The following NRIP1 variants were observed in gnomAD, a reference collection of about 807,000 sequenced individuals.
NRIP1 encodes nuclear receptor interacting protein 1.
Under a neutral mutation model 75.0 loss-of-function variants are expected in NRIP1, and 28 were observed. That is an observed-to-expected ratio of 0.37 (90% CI 0.28 to 0.51). The LOEUF is 0.51. NRIP1 is among the 20% of genes least tolerant of loss of function. The probability of loss-of-function intolerance (pLI) is 0.92; values close to 1 mark genes in which losing one functional copy is unlikely to be tolerated. For missense variants in NRIP1, 1,435 were observed against 1,343.7 expected, an observed-to-expected ratio of 1.07 and a Z score of -1.06; for synonymous variants, 526 against 487.6, an observed-to-expected ratio of 1.08 and a Z score of -1.04.
chr21:14,978,238 T>C (rs1289976331), intron 3 of NRIP1, among the ~76,000 whole-genome samples: 3 of 152,206 alleles, frequency 2.0e-5, no homozygotes, highest in East Asian at 3.8e-4. Context: ...TAAAATTTTA[T>C]TCCTATGATT....
chr21:15,045,648 G>A (rs950498536), intron 1 of NRIP1, among the ~76,000 whole-genome samples: 27 of 152,120 alleles, frequency 1.8e-4, no homozygotes, highest in African/African-American at 6.0e-4. Flanking sequence ...TTGCCACATC[G>A]GCTGATTCTT....
intron 3 of NRIP1, among the ~76,000 whole-genome samples, chr21:14,996,479 C>T (rs1363685076): frequency 2.6e-5 from 4 of 152,184 alleles, no homozygotes; most frequent in African/African-American, 9.7e-5. Flanking sequence ...TTAAATATCA[C>T]CCGCTAAGAT....
intron 1 of NRIP1, among the ~76,000 whole-genome samples, chr21:15,045,553 T>C (rs572960886): frequency 2.6e-5 from 4 of 152,348 alleles, no homozygotes; most frequent in East Asian, 3.9e-4. Context: ...TGCCTCCATA[T>C]TGATGGCTGC....
At chr21:15,039,514 A>AAAAATGAGATGG (rs2088907805) in intron 2 of NRIP1, among the ~76,000 whole-genome samples, 2 of 152,122 alleles carry the variant, frequency 1.3e-5, no homozygotes, top group South Asian at 4.1e-4. Flanking sequence ...TATAGTCTTG[A>AAAAATGAGATGG]TTTATCCCAT....
chr21:15,048,164 C>T (rs1252249431), intron 1 of NRIP1, among the ~76,000 whole-genome samples: 1 of 152,058 alleles, frequency 6.6e-6, no homozygotes, highest in Admixed American at 6.5e-5. Context: ...GATTACAGAT[C>T]ACCATGACAC....
chr21:14,981,055 A>ATGG (rs1451396985), intron 3 of NRIP1, among the ~76,000 whole-genome samples: 2 of 152,210 alleles, frequency 1.3e-5, no homozygotes, highest in Non-Finnish European at 2.9e-5. Context: ...GCACCCAGAC[A>ATGG]TGGTGGTGAT....
At chr21:15,057,649 G>A (rs1217229332) in intron 1 of NRIP1, among the ~76,000 whole-genome samples, 1 of 152,200 alleles carries the variant, frequency 6.6e-6, no homozygotes, top group Admixed American at 6.5e-5. Flanking sequence ...ACGGCTTCCT[G>A]AATGTCAGAT....
chr21:15,046,566 GTTT>G (rs2089081010), intron 1 of NRIP1, among the ~76,000 whole-genome samples: 1 of 152,094 alleles, frequency 6.6e-6, no homozygotes, highest in South Asian at 2.1e-4. Context: ...CCAAACATTG[GTTT>G]CCACTTCAAG....
At chr21:15,063,692 G>A (rs1327534390) in intron 1 of NRIP1, among the ~76,000 whole-genome samples, 1 of 152,162 alleles carries the variant, frequency 6.6e-6, no homozygotes, top group African/African-American at 2.4e-5. Flanking sequence ...TACAATACCA[G>A]AAACAAACTC....
intron 3 of NRIP1, among the ~76,000 whole-genome samples, chr21:14,981,459 T>C (rs1349896870): frequency 2.0e-5 from 3 of 152,188 alleles, no homozygotes; most frequent in African/African-American, 2.4e-5. Flanking sequence ...CAGTGACACA[T>C]GCTCCTTGGC....
At chr21:15,013,034 A>C (rs941547536) in intron 3 of NRIP1, among the ~76,000 whole-genome samples, 1 of 152,194 alleles carries the variant, frequency 6.6e-6, no homozygotes, top group African/African-American at 2.4e-5. Flanking sequence ...GGGGTTCAAT[A>C]TCAACTGTTT....
intron 3 of NRIP1, among the ~76,000 whole-genome samples, chr21:14,999,213 G>A (rs1372331639): frequency 6.6e-6 from 1 of 152,166 alleles, no homozygotes; most frequent in Non-Finnish European, 1.5e-5. Context: ...CTGGGCTCAA[G>A]CAATCCTCCT....
At chr21:15,001,617 TATA>T (rs138407151) in intron 3 of NRIP1, among the ~76,000 whole-genome samples, 5,846 of 152,160 alleles carry the variant, frequency 0.038, 303 homozygotes, top group African/African-American at 0.12. Flanking sequence ...AATAAAACAG[TATA>T]ATGTTTATGC....
intron 2 of NRIP1, among the ~76,000 whole-genome samples, chr21:15,036,030 A>C (rs1427487476): frequency 2.6e-5 from 4 of 152,236 alleles, no homozygotes; most frequent in Non-Finnish European, 5.9e-5. Flanking sequence ...CCATGTTTTT[A>C]AAACACTTAC....
At chr21:15,034,879 A>C (rs928127219) in intron 2 of NRIP1, among the ~76,000 whole-genome samples, 2 of 152,228 alleles carry the variant, frequency 1.3e-5, no homozygotes, top group Non-Finnish European at 2.9e-5. Context: ...GTGATCATCC[A>C]AAAACCTATT....
At chr21:15,029,113 T>C (rs1309365555) in intron 2 of NRIP1, among the ~76,000 whole-genome samples, 1 of 152,200 alleles carries the variant, frequency 6.6e-6, no homozygotes, top group Non-Finnish European at 1.5e-5. Flanking sequence ...CATCTCCTTC[T>C]CTCCTGAATT....
chr21:14,986,642 A>G (rs1159237282), intron 3 of NRIP1, among the ~76,000 whole-genome samples: 1 of 152,048 alleles, frequency 6.6e-6, no homozygotes, highest in East Asian at 1.9e-4. Flanking sequence ...TAGTTAAGAC[A>G]CTCTTTTATT....
intron 3 of NRIP1, chr21:14,974,424 G>A (rs1377077671): frequency 6.6e-6 from 1 of 152,108 alleles, no homozygotes; most frequent in Non-Finnish European, 1.5e-5. Context: ...AAAGATGACA[G>A]AAATTTCTGC....
At chr21:14,987,688 T>C (rs921535987) in intron 3 of NRIP1, among the ~76,000 whole-genome samples, 1 of 152,186 alleles carries the variant, frequency 6.6e-6, no homozygotes, top group African/African-American at 2.4e-5. Flanking sequence ...CTACAAAGTG[T>C]ATTTTACATT....
Sources: allele counts gnomAD v4.1 joint callset (sites outside exome capture counted in the v4.1 genomes callset), GRCh38; gene constraint gnomAD v4.1.1; transcripts MANE v1.5; gene names NCBI Gene and HGNC (gene_info 2026-07-23, HGNC 2026-07-21).